OPCML: variants seen among roughly 807,000 people sequenced by gnomAD.
The protein encoded by OPCML is opioid-binding protein/cell adhesion molecule.
A neutral mutation model predicts 37.8 loss-of-function variants in OPCML; 13 were observed. The ratio of observed to expected loss-of-function variants is 0.34; its 90% CI spans 0.22 to 0.55. The LOEUF is 0.55. Ranked by LOEUF, OPCML falls within the 20% of genes least tolerant of loss-of-function variation. OPCML has a pLI of 0.91. For missense variants in OPCML, 341 were observed against 435.6 expected, an observed-to-expected ratio of 0.78 and a Z score of 1.93; for synonymous variants, 176 against 168.8, an observed-to-expected ratio of 1.04 and a Z score of -0.33.
intron 1 of OPCML, among the ~76,000 whole-genome samples, chr11:133,070,165 A>G (rs1485266297): frequency 3.3e-5 from 5 of 152,202 alleles, no homozygotes. Flanking sequence ...CTGCATTACA[A>G]ATTTACCTCT....
intron 1 of OPCML, among the ~76,000 whole-genome samples, chr11:133,374,443 C>T (rs191201340): frequency 7.2e-5 from 11 of 152,260 alleles, no homozygotes; most frequent in African/African-American, 2.6e-4. Flanking sequence ...TCCAATTGTA[C>T]AGTTTAAATA....
chr11:132,478,426 T>C (rs1250374212), intron 4 of OPCML, among the ~76,000 whole-genome samples: 1 of 152,072 alleles, frequency 6.6e-6, no homozygotes, highest in African/African-American at 2.4e-5. Flanking sequence ...ATGAGAAAGA[T>C]GAAGAACAGG....
chr11:132,554,229 C>A (rs2096389142), intron 3 of OPCML, among the ~76,000 whole-genome samples: 1 of 152,162 alleles, frequency 6.6e-6, no homozygotes, highest in African/African-American at 2.4e-5. Context: ...GTTCCACAGC[C>A]ATCAAACTGT....
intron 1 of OPCML, among the ~76,000 whole-genome samples, chr11:133,022,965 G>A (rs1163809047): frequency 6.6e-6 from 1 of 152,200 alleles, no homozygotes; most frequent in Admixed American, 6.5e-5. Context: ...GCCTGCTCAT[G>A]GGGAAAGGCA....
chr11:133,317,214 T>A (rs1592195581), intron 1 of OPCML, among the ~76,000 whole-genome samples: 2 of 152,160 alleles, frequency 1.3e-5, no homozygotes, highest in South Asian at 4.2e-4. Flanking sequence ...AAAAAATACA[T>A]AAAGTAAAAT....
At chr11:132,574,259 G>T (rs867224717) in intron 3 of OPCML, among the ~76,000 whole-genome samples, 188 of 137,142 alleles carry the variant, frequency 1.4e-3, no homozygotes, top group Admixed American at 7.9e-3. Context: ...TTTTTTTTTG[G>T]TTTTTTTGTT....
chr11:132,594,896 G>A (rs558846157), intron 3 of OPCML, among the ~76,000 whole-genome samples: 2 of 152,314 alleles, frequency 1.3e-5, no homozygotes, highest in East Asian at 3.9e-4. Flanking sequence ...AATTACATAT[G>A]ATGTTTCTTA....
chr11:132,880,775 G>A (rs1045883674), intron 2 of OPCML, among the ~76,000 whole-genome samples: 4 of 152,140 alleles, frequency 2.6e-5, no homozygotes, highest in African/African-American at 4.8e-5. Context: ...TTAAAATGAC[G>A]TTGCATACCA....
intron 2 of OPCML, among the ~76,000 whole-genome samples, chr11:132,775,592 T>C (rs1043532259): frequency 1.3e-5 from 2 of 152,180 alleles, no homozygotes; most frequent in African/African-American, 4.8e-5. Context: ...TGCCTGTCGA[T>C]TGCCACTGTG....
At chr11:132,880,068 CCTTT>C (rs1446201974) in intron 2 of OPCML, among the ~76,000 whole-genome samples, 1 of 152,166 alleles carries the variant, frequency 6.6e-6, no homozygotes, top group African/African-American at 2.4e-5. Flanking sequence ...TTCCTTACTT[CCTTT>C]ACTTCCAAAC....
At chr11:132,781,945 T>A (rs1427532613) in intron 2 of OPCML, among the ~76,000 whole-genome samples, 1 of 59,852 alleles carries the variant, frequency 1.7e-5, no homozygotes, top group Admixed American at 1.6e-4. Context: ...TACATATATA[T>A]ATATATATAT....
rs7937413 is a variant in OPCML, at chr11:132,686,242, C to T, written c.147-28923G>A. On this transcript the variant is annotated intron_variant, in intron 2 of 7. Transcript: ENST00000524381. Reference sequence around the variant, plus strand: ...TGCAACTTGCCTTTGGGGGACATGACAATCCCAAATACAACAACATGAAAA... The same window carrying T: ...TGCAACTTGCCTTTGGGGGACATGATAATCCCAAATACAACAACATGAAAA... Among the ~76,000 whole-genome samples the T allele has an allele frequency of 1.8e-3, 274 of 152,284 alleles. 1 individual carries two copies. The highest frequency in any genetic ancestry group is 6.3e-3 in the African/African-American group (263 of 41,556).
At chr11:133,089,508 A>G (rs919707811) in intron 1 of OPCML, among the ~76,000 whole-genome samples, 8 of 152,236 alleles carry the variant, frequency 5.3e-5, no homozygotes, top group African/African-American at 1.9e-4. Context: ...AGCATCTACC[A>G]GGCAATAGCA....
intron 1 of OPCML, among the ~76,000 whole-genome samples, chr11:133,068,311 C>CT (rs555730098): frequency 6.6e-6 from 1 of 152,176 alleles, no homozygotes; most frequent in Non-Finnish European, 1.5e-5. Context: ...TTAAACTCTG[C>CT]TTTTTTTCCT....
chr11:133,296,711 G>T (rs1942640251), intron 1 of OPCML, among the ~76,000 whole-genome samples: 1 of 152,106 alleles, frequency 6.6e-6, no homozygotes, highest in Non-Finnish European at 1.5e-5. Flanking sequence ...TATTCAATGG[G>T]TATATAAATA....
chr11:132,927,821 TA>T (rs1466695121), intron 2 of OPCML, among the ~76,000 whole-genome samples: 1 of 152,026 alleles, frequency 6.6e-6, no homozygotes, highest in East Asian at 1.9e-4. Context: ...CAGTAACATA[TA>T]GGGGGATCCA....
At chr11:132,955,838 G>T (rs1312036941) in intron 1 of OPCML, among the ~76,000 whole-genome samples, 1 of 152,034 alleles carries the variant, frequency 6.6e-6, no homozygotes, top group African/African-American at 2.4e-5. Context: ...AGCCGAGATC[G>T]CACCATTGCA....
intron 3 of OPCML, among the ~76,000 whole-genome samples, chr11:132,652,636 T>G (rs1427378387): frequency 6.6e-6 from 1 of 152,202 alleles, no homozygotes; most frequent in East Asian, 1.9e-4. Context: ...GGGCTTGTTG[T>G]GTGAGTCAAA....
chr11:133,085,141 C>T (rs2137041175), intron 1 of OPCML, among the ~76,000 whole-genome samples: 1 of 152,264 alleles, frequency 6.6e-6, no homozygotes, highest in East Asian at 1.9e-4. Flanking sequence ...ATGCCTTTGC[C>T]TGGAAAAATA....
Sources: allele counts gnomAD v4.1 joint callset (sites outside exome capture counted in the v4.1 genomes callset), GRCh38; gene constraint gnomAD v4.1.1; transcripts MANE v1.5; gene names NCBI Gene and HGNC (gene_info 2026-07-23, HGNC 2026-07-21).